Variants in TMEM232 observed in about 807,000 individuals in gnomAD.
TMEM232 encodes the protein transmembrane protein 232.
Under a neutral mutation model 78.8 loss-of-function variants are expected in TMEM232, and 80 were observed. The observed-to-expected ratio is 1.01, with a 90% confidence interval of 0.85 to 1.22. The LOEUF (loss-of-function observed/expected upper bound fraction) is 1.22, where lower values mean the gene tolerates loss of function less well. TMEM232 is among the 50% of genes most tolerant of loss of function. TMEM232 has a pLI of 0.00. For missense variants in TMEM232, 881 were observed against 742.2 expected (o/e 1.19, Z -2.17); for synonymous variants, 297 against 254.3 (o/e 1.17, Z -1.60).
chr5:110,534,997 C>T (rs970948026), intron 11 of TMEM232, among the ~76,000 whole-genome samples: 36 of 152,090 alleles, frequency 2.4e-4, no homozygotes, highest in Non-Finnish European at 7.4e-5. Flanking sequence ...CCCCTAATCC[C>T]GCTCAAAGCA....
At chr5:110,514,054 A>C (rs1022806123) in intron 12 of TMEM232, 2 of 166,136 alleles carry the variant, frequency 1.2e-5, no homozygotes, top group African/African-American at 2.4e-5. Flanking sequence ...ATTATTTCAC[A>C]AAGGCTCAAT....
intron 8 of TMEM232, among the ~76,000 whole-genome samples, chr5:110,611,450 T>C (rs1297603333): frequency 1.3e-5 from 2 of 152,090 alleles, no homozygotes; most frequent in African/African-American, 4.8e-5. Context: ...AGTGAAGGGA[T>C]GGAGCCTCAG....
At chr5:110,584,298 A>T (rs757178031) in intron 10 of TMEM232, among the ~76,000 whole-genome samples, 15 of 152,066 alleles carry the variant, frequency 9.9e-5, no homozygotes, top group African/African-American at 3.1e-4. Flanking sequence ...TATATATATA[A>T]AATGAAATAT....
At chr5:110,672,566 A>G (rs1313234029) in intron 1 of TMEM232, among the ~76,000 whole-genome samples, 2 of 152,146 alleles carry the variant, frequency 1.3e-5, no homozygotes, top group Non-Finnish European at 2.9e-5. Flanking sequence ...TCAAATTTCC[A>G]AAAAGAAAAA....
intron 12 of TMEM232, among the ~76,000 whole-genome samples, chr5:110,521,103 G>T (rs1769435228): frequency 6.6e-6 from 1 of 152,008 alleles, no homozygotes; most frequent in Non-Finnish European, 1.5e-5. Context: ...TATGTCTAAG[G>T]CCTTGTTGTG....
chr5:110,731,937 G>A (rs749850168), intron 2 of TMEM232, among the ~76,000 whole-genome samples: 8 of 152,064 alleles, frequency 5.3e-5, no homozygotes, highest in South Asian at 2.1e-4. Context: ...GAACTTTTAT[G>A]CTCTGTTTCC....
chr5:110,587,208 A>G (rs1436886194), intron 10 of TMEM232, among the ~76,000 whole-genome samples: 2 of 152,026 alleles, frequency 1.3e-5, no homozygotes, highest in East Asian at 3.9e-4. Context: ...ATACATATAC[A>G]CCCAGAGACA....
chr5:110,700,014 C>G (rs940299812), intron 1 of TMEM232, among the ~76,000 whole-genome samples: 1 of 152,036 alleles, frequency 6.6e-6, no homozygotes, highest in Admixed American at 6.6e-5. Context: ...ATGCTGGCAT[C>G]TGAAAGAAAA....
chr5:110,422,359 A>G (rs1452507535), intron 13 of TMEM232, among the ~76,000 whole-genome samples: 4 of 151,664 alleles, frequency 2.6e-5, no homozygotes, highest in Non-Finnish European at 5.9e-5. Context: ...ACTAAACAAA[A>G]TACAAAAAAA....
intron 10 of TMEM232, among the ~76,000 whole-genome samples, chr5:110,597,481 A>G (rs931653909): frequency 6.6e-6 from 1 of 152,164 alleles, no homozygotes; most frequent in African/African-American, 2.4e-5. Context: ...TCAAGCTACC[A>G]GTGACTTTCT....
chr5:110,626,651 A>G (rs114245419), intron 6 of TMEM232, among the ~76,000 whole-genome samples: 2,071 of 151,954 alleles, frequency 0.014, 45 homozygotes, highest in African/African-American at 0.046. Flanking sequence ...CTTTTTTTGA[A>G]ATAGTTCACA....
At chr5:110,408,800 T>G (rs1755887142) in intron 2 of TMEM232, among the ~76,000 whole-genome samples, 1 of 151,962 alleles carries the variant, frequency 6.6e-6, no homozygotes, top group African/African-American at 2.4e-5. Context: ...CAACAGTATT[T>G]CACTTGTTCT....
At chr5:110,738,536 A>C (rs928440076), upstream of TMEM232, among the ~76,000 whole-genome samples, 3 of 152,088 alleles carry the variant, frequency 2.0e-5, no homozygotes, top group African/African-American at 2.4e-5. Context: ...GGGCGGTACC[A>C]TATCTCTCAA....
intron 11 of TMEM232, among the ~76,000 whole-genome samples, chr5:110,549,590 C>T (rs1271718074): frequency 1.6e-5 from 2 of 123,734 alleles, no homozygotes; most frequent in Non-Finnish European, 3.1e-5. Flanking sequence ...TAGGCAACAG[C>T]GCAAGTCCCT....
intron 1 of TMEM232, among the ~76,000 whole-genome samples, chr5:110,723,372 C>A (rs138194358): frequency 6.6e-6 from 1 of 152,066 alleles, no homozygotes; most frequent in Non-Finnish European, 1.5e-5. Flanking sequence ...TCCTGTTTGG[C>A]AAAATATCTA....
At position 110,501,883 on chromosome 5, in the gene TMEM232, A is replaced by T. The variant is rs144855860; in HGVS notation, c.1703+26705T>A. Among the ~76,000 whole-genome samples the T allele has an allele frequency of 1.6e-4, 25 of 152,282 alleles. No individual in the cohort carries two copies. In the East Asian group the frequency reaches 4.8e-3, roughly 29 times the overall value. On this transcript the variant is annotated intron_variant, in intron 12 of 13. Coordinates refer to ENST00000455884, the MANE Select transcript of TMEM232 (RefSeq NM_001039763.4). The stretch of plus-strand genomic sequence containing the variant: ...TCTCCCATGATTACCTAATTCACTT[A>T]GGTCTAATCTTGTAGGGAAGTGAAA...
chr5:110,457,176 C>G (rs1189866370), intron 12 of TMEM232, among the ~76,000 whole-genome samples: 1 of 151,934 alleles, frequency 6.6e-6, no homozygotes, highest in Non-Finnish European at 1.5e-5. Context: ...ATCACATTAA[C>G]TTAATAAAAA....
At chr5:110,430,749 C>A (rs1757741930) in intron 12 of TMEM232, among the ~76,000 whole-genome samples, 1 of 151,478 alleles carries the variant, frequency 6.6e-6, no homozygotes. Flanking sequence ...TTTTCAATAA[C>A]CTTTAGGATT....
intron 7 of TMEM232, among the ~76,000 whole-genome samples, chr5:110,620,637 CTCCTCT>C (rs1783573700): frequency 5.0e-5 from 6 of 119,880 alleles, no homozygotes; most frequent in African/African-American, 1.8e-4. Flanking sequence ...CTCTCTCTCT[CTCCTCT>C]CTCCTCTCTC....
Sources: gnomAD v4.1 joint callset for allele counts (sites outside exome capture counted in the v4.1 genomes callset) on GRCh38, gnomAD v4.1.1 for gene constraint, MANE v1.5 for transcripts, NCBI Gene and HGNC (gene_info 2026-07-23, HGNC 2026-07-21) for gene names.